DNAH6: variants seen among roughly 807,000 people sequenced by gnomAD.
DNAH6 encodes axonemal beta dynein heavy chain 6.
Under a neutral mutation model 491.4 loss-of-function variants are expected in DNAH6, and 340 were observed. That is an observed-to-expected ratio of 0.69 (90% CI 0.63 to 0.76). The LOEUF (loss-of-function observed/expected upper bound fraction) is 0.76. Ranked by LOEUF, DNAH6 falls within the 30% of genes least tolerant of loss-of-function variation. DNAH6 has a pLI of 0.00. For synonymous variants in DNAH6, 1,603 were observed against 1,686.1 expected (o/e 0.95, Z 1.21); for missense variants, 4,443 against 4,972.2 (o/e 0.89, Z 3.20).
At chr2:84,796,071 GA>G (rs1678315849) in intron 68 of DNAH6, among the ~76,000 whole-genome samples, 1 of 152,112 alleles carries the variant, frequency 6.6e-6, no homozygotes, top group Admixed American at 6.6e-5. Flanking sequence ...TTTAGTCTCT[GA>G]AAACTAAAAC....
the DNAH6 span, among the ~76,000 whole-genome samples, chr2:84,473,227 C>A: frequency 1.3e-5 from 2 of 152,142 alleles, no homozygotes; most frequent in African/African-American, 2.4e-5. Context: ...ATTTACCATT[C>A]TTGGGAATTA....
chr2:84,574,292 T>C (rs1215610793), intron 12 of DNAH6, among the ~76,000 whole-genome samples: 1 of 152,166 alleles, frequency 6.6e-6, no homozygotes, highest in African/African-American at 2.4e-5. Flanking sequence ...TATGTTTTTA[T>C]GTTTTTCTTT....
At chr2:84,697,860 C>T (rs375592059) in intron 47 of DNAH6, 133 bp downstream of exon 47, 23 of 943,178 alleles carry the variant, frequency 2.4e-5, no homozygotes, top group Admixed American at 1.8e-4. Context: ...CCTTTGTATT[C>T]GATGTATTTT....
intron 76 of DNAH6, among the ~76,000 whole-genome samples, chr2:84,818,181 T>C (rs1680673567): frequency 6.6e-6 from 1 of 152,032 alleles, no homozygotes; most frequent in Admixed American, 6.6e-5. Context: ...TATGTAGTAG[T>C]CATCAATGGC....
chr2:84,483,139 T>G, the DNAH6 span, among the ~76,000 whole-genome samples: 3 of 152,080 alleles, frequency 2.0e-5, no homozygotes, highest in Admixed American at 6.5e-5. Context: ...TCTTTAATTT[T>G]GGGGGGTAGA....
chr2:84,669,510 G>T lies in DNAH6; in HGVS notation c.6306G>T (p.Lys2102Asn). The T allele has an allele frequency of 6.4e-7, 1 of 1,551,424 alleles. No individual in the cohort carries two copies. Residue 2102 changes from lysine (K) to asparagine (N), a missense_variant and splice_region_variant, in exon 38 of 77, where the codon AAG (lysine) becomes AAT (asparagine). Coordinates refer to ENST00000389394, the MANE Select transcript of DNAH6 (RefSeq NM_001370.2). Reference sequence around the variant, plus strand: ...TTACTGGAATAACTGGAGTGGGCAAGGTAGGAAACTTACATCAAACAAGAA... The same window carrying T: ...TTACTGGAATAACTGGAGTGGGCAATGTAGGAAACTTACATCAAACAAGAA... ...VLFTGITGVGKSVIAKGLLNK... is the reference protein window; with the variant it reads ...VLFTGITGVGNSVIAKGLLNK...
intron 35 of DNAH6, among the ~76,000 whole-genome samples, chr2:84,656,394 T>G (rs115331057): frequency 0.033 from 5,083 of 152,232 alleles, 134 homozygotes; most frequent in Non-Finnish European, 0.051. Context: ...CTGTATCATT[T>G]TGCATTCCCA....
intron 62 of DNAH6, among the ~76,000 whole-genome samples, chr2:84,738,990 T>C (rs1289036790): frequency 6.6e-6 from 1 of 152,208 alleles, no homozygotes; most frequent in East Asian, 1.9e-4. Flanking sequence ...TGTTTCCACA[T>C]TGAGAACTCC....
rs1688976151 is a variant in DNAH6, at chr2:84,637,292, C to A, written c.4736C>A (p.Ala1579Glu). The A allele has an allele frequency of 1.9e-6, 3 of 1,551,216 alleles. No individual in the cohort carries two copies. Among genetic ancestry groups the A allele is most frequent in the Non-Finnish European group, 2.6e-6 (3 of 1,146,714 alleles). The change falls in exon 31 of 77, where the codon GCA (alanine) becomes GAA (glutamate). Residue 1579 changes from alanine (A) to glutamate (E), a missense_variant. By Grantham distance (107) the Ala-to-Glu change is moderately radical (BLOSUM62 -1). This residue lies in a region of DNAH6 where 2,977 missense variants were observed against 3,296.6 expected (regional missense o/e 0.90). Coordinates refer to ENST00000389394, the MANE Select transcript of DNAH6 (RefSeq NM_001370.2). ...TTCATCACAATGAATCCTGGCTATG[C>A]AGGGAGAACTGAATTGCCAGATAAT... is the stretch of plus-strand genomic sequence containing the variant. Reference protein sequence around the residue: ...AAFITMNPGYAGRTELPDNLK... With the variant: ...AAFITMNPGYEGRTELPDNLK...
intron 5 of DNAH6, among the ~76,000 whole-genome samples, chr2:84,544,704 AG>A (rs1393926186): frequency 1.3e-5 from 2 of 152,146 alleles, no homozygotes; most frequent in Non-Finnish European, 2.9e-5. Flanking sequence ...AAAATGCAAA[AG>A]TATAAGAAGA....
chr2:84,761,174 G>A (rs574841253), intron 63 of DNAH6, among the ~76,000 whole-genome samples: 34 of 152,190 alleles, frequency 2.2e-4, no homozygotes, highest in South Asian at 8.3e-4. Context: ...TTGCAGCAAC[G>A]TAGATGGCAC....
the DNAH6 span, among the ~76,000 whole-genome samples, chr2:84,460,795 C>A: frequency 6.6e-6 from 1 of 152,162 alleles, no homozygotes; most frequent in Non-Finnish European, 1.5e-5. Flanking sequence ...TAACGCAGGC[C>A]TCCATAACAA....
At chr2:84,763,618 G>T (rs1198575999) in intron 64 of DNAH6, among the ~76,000 whole-genome samples, 1 of 152,008 alleles carries the variant, frequency 6.6e-6, no homozygotes, top group East Asian at 1.9e-4. Flanking sequence ...GTCTGGCCTG[G>T]TCCCTGGACG....
chr2:84,634,654 G>A lies in DNAH6; in HGVS notation c.4653+13G>A. Reference sequence around the variant, plus strand: ...CAAAGCGGCAAAGGTAAGGCACTGGGCAATCGACTTTCAAGGTAGCAATCC... The same window carrying A: ...CAAAGCGGCAAAGGTAAGGCACTGGACAATCGACTTTCAAGGTAGCAATCC... On this transcript the variant is annotated intron_variant, in intron 30 of 76. Coordinates refer to ENST00000389394, the MANE Select transcript of DNAH6 (RefSeq NM_001370.2). 2 of 1,498,164 alleles carry A rather than the reference G, an allele frequency of 1.3e-6. No homozygotes were observed. Among genetic ancestry groups the A allele is most frequent in the South Asian group, 2.6e-5 (2 of 75,580 alleles). The allele number at this position is 1,498,164 out of a possible 1,614,324, so 92.8% of individuals were successfully genotyped here.
chr2:84,613,704 A>G (rs1000304797), intron 22 of DNAH6, among the ~76,000 whole-genome samples: 1 of 152,112 alleles, frequency 6.6e-6, no homozygotes, highest in African/African-American at 2.4e-5. Context: ...AGAGTCAAGG[A>G]GAAGGCAACT....
chr2:84,790,602 A>G (rs1236913102), intron 68 of DNAH6, among the ~76,000 whole-genome samples: 1 of 152,250 alleles, frequency 6.6e-6, no homozygotes, highest in Non-Finnish European at 1.5e-5. Context: ...TTCACCAAAG[A>G]AGACATACAA....
intron 3 of DNAH6, among the ~76,000 whole-genome samples, chr2:84,527,026 A>G (rs1676663991): frequency 6.6e-6 from 1 of 152,158 alleles, no homozygotes; most frequent in African/African-American, 2.4e-5. Flanking sequence ...GAGAAATATG[A>G]AAAATGGGAT....
intron 65 of DNAH6, among the ~76,000 whole-genome samples, chr2:84,781,914 A>T (rs914988634): frequency 3.3e-5 from 5 of 152,226 alleles, no homozygotes; most frequent in Admixed American, 1.3e-4. Context: ...TTTGAATTTG[A>T]AATATATTAC....
chr2:84,786,459 A>T (rs903122828), intron 67 of DNAH6, among the ~76,000 whole-genome samples: 1 of 151,404 alleles, frequency 6.6e-6, no homozygotes. Context: ...AAGATGCCAG[A>T]TATAAGATAA....
Sources: gnomAD v4.1 joint callset for allele counts (sites outside exome capture counted in the v4.1 genomes callset) on GRCh38, gnomAD v4.1.1 for gene constraint, gnomAD v4.1.1 regional missense constraint, MANE v1.5 for transcripts, NCBI Gene and HGNC (gene_info 2026-07-23, HGNC 2026-07-21) for gene names.